ASB2: variants seen among roughly 807,000 people sequenced by gnomAD.
The protein encoded by ASB2 is ankyrin repeat and SOCS box protein 2.
ASB2 carries 58 observed loss-of-function variants against 62.4 expected under a neutral mutation model. That is an observed-to-expected ratio of 0.93 (90% CI 0.75 to 1.16). ASB2 has a LOEUF of 1.16. Among genes scored for constraint, ASB2 ranks in the 50% most tolerant of loss-of-function variants. The pLI is 0.00. For synonymous variants in ASB2, 386 were observed against 385.3 expected (o/e 1.00, Z -0.02); for missense variants, 928 against 887.9 (o/e 1.05, Z -0.57).
intron 1 of ASB2, among the ~76,000 whole-genome samples, chr14:93,971,752 G>A (rs957727864): frequency 1.3e-5 from 2 of 151,996 alleles, no homozygotes; most frequent in Non-Finnish European, 2.9e-5. Context: ...TATAGATGAG[G>A]AGACTGAGGC....
rs1409364855 is a variant in ASB2 at position 93,954,338 on chromosome 14, A to G, written c.457T>C (p.Cys153Arg). 1.9e-6 allele frequency: 3 copies of G among 1,613,660 alleles called. No homozygotes were observed. The African/African-American group carries it at 4.0e-5, about 22-fold the overall frequency. ...TCACCTCGCTGCAGGACTTTCAGGCAGCCCACCTGGCCATAGTATGCGGCC... is the reference window on the plus strand; with the variant it reads ...TCACCTCGCTGCAGGACTTTCAGGCGGCCCACCTGGCCATAGTATGCGGCC... ...HEAAYYGQVG[C>R]LKVLQRAYPG... Residue 153 changes from cysteine (C) to arginine (R), a missense_variant, in exon 4 of 10, where the codon TGC becomes CGC. Physicochemically the swap from Cys to Arg is radical, Grantham distance 180 (BLOSUM62 -3). Coordinates refer to ENST00000555019, the MANE Select transcript of ASB2 (RefSeq NM_001202429.2).
In ASB2 at chr14:93,964,334, C is replaced by T. The variant is rs1424769440; in HGVS notation, c.206G>A (p.Arg69Lys). The stretch of plus-strand genomic sequence containing the variant: ...CCCTCATCAGCCTCGCCTTGCTCAC[C>T]TGGTCCATGGGTAGAAATGGGCAGG... ...RQPAHFYPWT[R>K]STAPPESSPA... The change falls in exon 2 of 10, where the codon AGG becomes AAG. Residue 69 changes from arginine to lysine, a missense_variant and splice_region_variant. Physicochemically the swap from Arg to Lys is conservative, Grantham distance 26 (BLOSUM62 2). Coordinates refer to ENST00000555019, the MANE Select transcript of ASB2 (RefSeq NM_001202429.2). The T allele has an allele frequency of 1.3e-6, 2 of 1,536,176 alleles. No homozygotes were observed. The highest frequency in any genetic ancestry group is 1.7e-6 in the Non-Finnish European group (2 of 1,146,910).
At chr14:93,944,100 C>T in intron 7 of ASB2, 1 of 436,592 alleles carries the variant, frequency 2.3e-6, no homozygotes, top group Non-Finnish European at 4.6e-6. Context: ...TCTTAGACAC[C>T]TTGAAGCCTC....
chr14:93,936,812 G>A (rs1417161731), intron 9 of ASB2, among the ~76,000 whole-genome samples: 3 of 152,172 alleles, frequency 2.0e-5, no homozygotes, highest in Non-Finnish European at 4.4e-5. Context: ...TAAACACTTG[G>A]CCAGGGCAGG....
At chr14:93,945,645 A>G (rs1017270549) in intron 7 of ASB2, among the ~76,000 whole-genome samples, 2 of 152,168 alleles carry the variant, frequency 1.3e-5, no homozygotes, top group Non-Finnish European at 2.9e-5. Context: ...CCTTGTGGAC[A>G]GCTGTGCTGT....
At chr14:93,968,064 C>T (rs761175920) in intron 1 of ASB2, among the ~76,000 whole-genome samples, 3 of 152,206 alleles carry the variant, frequency 2.0e-5, no homozygotes, top group Non-Finnish European at 4.4e-5. Context: ...AGCTGCTGGC[C>T]CTGCAGCCTG....
At chr14:93,965,352 A>G (rs1057057404) in intron 1 of ASB2, among the ~76,000 whole-genome samples, 3 of 152,276 alleles carry the variant, frequency 2.0e-5, no homozygotes, top group Non-Finnish European at 4.4e-5. Flanking sequence ...TACCAAGAGC[A>G]TAGATCCTGG....
chr14:93,962,190 C>G (rs1889433969), intron 2 of ASB2, among the ~76,000 whole-genome samples: 2 of 103,696 alleles, frequency 1.9e-5, no homozygotes, highest in South Asian at 6.6e-4. Context: ...TCTCGGCTCA[C>G]TGCAAGCTCC....
At chr14:93,953,599 C>G (rs1183069275) in intron 4 of ASB2, 92 bp from the exon 5 acceptor site, 2 of 1,097,478 alleles carry the variant, frequency 1.8e-6, no homozygotes, top group African/African-American at 3.2e-5. Context: ...ATTTCAAGAA[C>G]AATGTATGAC....
chr14:93,963,449 G>T (rs1366642346), intron 2 of ASB2, among the ~76,000 whole-genome samples: 2 of 152,176 alleles, frequency 1.3e-5, no homozygotes, highest in African/African-American at 4.8e-5. Context: ...TTTTCCAAAT[G>T]CATTTTGAGA....
chr14:93,940,076 CA>C (rs1034786842), intron 7 of ASB2: 80 of 183,262 alleles, frequency 4.4e-4, no homozygotes, highest in African/African-American at 1.8e-3. Flanking sequence ...TGCCCATTGC[CA>C]GCTCAGTTAT....
At chr14:93,954,190 G>C (rs1219012323) in intron 4 of ASB2, 127 bp downstream of exon 4, 2 of 774,044 alleles carry the variant, frequency 2.6e-6, no homozygotes, top group Non-Finnish European at 4.3e-6. Flanking sequence ...ACTGACAAAT[G>C]AAAGTGACAG....
intron 2 of ASB2, among the ~76,000 whole-genome samples, chr14:93,963,721 A>G (rs1889485974): frequency 6.6e-6 from 1 of 152,242 alleles, no homozygotes; most frequent in African/African-American, 2.4e-5. Context: ...GGAAATGGTG[A>G]TACTTCAGAT....
intron 1 of ASB2, among the ~76,000 whole-genome samples, chr14:93,971,434 C>A (rs958126859): frequency 6.6e-6 from 1 of 152,210 alleles, no homozygotes; most frequent in South Asian, 2.1e-4. Context: ...AATTTCTGCA[C>A]GAGGTGACTG....
chr14:93,937,967 T>A lies in ASB2; in HGVS notation c.1618-116A>T, dbSNP rs957006852. ...GACACTGTGCACACCCAGGCTAGGATCCCCTGAACCATGTCCCCTCAACAC... is the reference window on the plus strand; with the variant it reads ...GACACTGTGCACACCCAGGCTAGGAACCCCTGAACCATGTCCCCTCAACAC... On this transcript the variant is annotated intron_variant, in intron 8 of 9. Transcript: ENST00000555019. 17 of 1,115,120 alleles carry A rather than the reference T, an allele frequency of 1.5e-5. No homozygotes were observed. The African/African-American group carries it at 2.7e-4, about 17-fold the overall frequency. The allele number at this position is 1,115,120 out of a possible 1,614,324, so 69.1% of individuals were successfully genotyped here. A position where few individuals can be genotyped will look rare whatever the true frequency, so the allele number is the denominator to read the frequency against.
intron 6 of ASB2, 47 bp downstream of exon 6, chr14:93,950,952 G>A (rs376595592): frequency 4.9e-5 from 77 of 1,577,728 alleles, no homozygotes; most frequent in African/African-American, 4.6e-4. Flanking sequence ...CATCCTTCCC[G>A]TGTGCCCTTT....
At chr14:93,961,277 G>T (rs1889401179) in intron 2 of ASB2, among the ~76,000 whole-genome samples, 1 of 152,244 alleles carries the variant, frequency 6.6e-6, no homozygotes, top group African/African-American at 2.4e-5. Context: ...CTCAGATAGG[G>T]TTAGCCACCC....
chr14:93,941,200 A>G (rs2141275487), intron 7 of ASB2: 1 of 165,732 alleles, frequency 6.0e-6, no homozygotes, highest in East Asian at 1.8e-4. Context: ...CTTCTCCTAC[A>G]GCCCTGCCAC....
At chr14:93,976,108 C>G (rs138542628) in intron 1 of ASB2, among the ~76,000 whole-genome samples, 6 of 152,346 alleles carry the variant, frequency 3.9e-5, no homozygotes, top group African/African-American at 1.4e-4. Context: ...GACACAGATA[C>G]CGCCCAAGAC....
Sources: gnomAD v4.1 joint callset for allele counts (sites outside exome capture counted in the v4.1 genomes callset) on GRCh38, gnomAD v4.1.1 for gene constraint, MANE v1.5 for transcripts, NCBI Gene and HGNC (gene_info 2026-07-23, HGNC 2026-07-21) for gene names.